The following MKLN1 variants were observed in gnomAD, a reference collection of about 807,000 sequenced individuals.
MKLN1 encodes the protein muskelin 1.
A neutral mutation model predicts 99.0 loss-of-function variants in MKLN1; 18 were observed. The ratio of observed to expected loss-of-function variants is 0.18; its 90% CI spans 0.13 to 0.27. MKLN1 has a LOEUF of 0.27. Ranked by LOEUF, MKLN1 falls within the 10% of genes least tolerant of loss-of-function variation. MKLN1 has a pLI of 1.00. For missense variants in MKLN1, 621 were observed against 875.9 expected, an observed-to-expected ratio of 0.71 and a Z score of 3.67; for synonymous variants, 288 against 293.2, an observed-to-expected ratio of 0.98 and a Z score of 0.18.
intron 2 of MKLN1, among the ~76,000 whole-genome samples, chr7:131,185,232 G>T (rs549064413): frequency 4.4e-4 from 67 of 152,194 alleles, no homozygotes; most frequent in African/African-American, 1.3e-3. Context: ...CCTTAAGCAC[G>T]TGACTGGTAC....
intron 3 of MKLN1, among the ~76,000 whole-genome samples, chr7:131,232,757 C>T (rs1334762715): frequency 2.0e-5 from 3 of 152,052 alleles, no homozygotes. Context: ...TTGGTGTGCA[C>T]ACAGTGAAAG....
At chr7:131,337,537 A>T (rs564837109) in intron 1 of MKLN1, among the ~76,000 whole-genome samples, 17 of 151,846 alleles carry the variant, frequency 1.1e-4, no homozygotes, top group Non-Finnish European at 2.2e-4. Flanking sequence ...TTAGTTTTAG[A>T]ATTATTTCAT....
intron 1 of MKLN1, among the ~76,000 whole-genome samples, chr7:131,372,635 A>G (rs1793499049): frequency 6.6e-6 from 1 of 151,844 alleles, no homozygotes; most frequent in South Asian, 2.1e-4. Flanking sequence ...CAGACATGTT[A>G]TAATTTAATC....
At chr7:131,430,984 G>T (rs1795506122) in intron 9 of MKLN1, among the ~76,000 whole-genome samples, 1 of 152,158 alleles carries the variant, frequency 6.6e-6, no homozygotes, top group Non-Finnish European at 1.5e-5. Context: ...CACTTCGGGA[G>T]AGCGAGGCCA....
intron 1 of MKLN1, among the ~76,000 whole-genome samples, chr7:131,351,554 T>C (rs1799720772): frequency 1.3e-5 from 2 of 152,186 alleles, no homozygotes; most frequent in South Asian, 2.1e-4. Flanking sequence ...TTGAACCTCC[T>C]GGGCTCAAGT....
chr7:131,391,113 C>T (rs1365331402), intron 4 of MKLN1, among the ~76,000 whole-genome samples: 2 of 151,578 alleles, frequency 1.3e-5, no homozygotes, highest in Admixed American at 6.6e-5. Context: ...ACTAAAAGGC[C>T]GTATGTTAGG....
At chr7:131,403,751 C>T (rs1330900141) in intron 6 of MKLN1, among the ~76,000 whole-genome samples, 1 of 152,110 alleles carries the variant, frequency 6.6e-6, no homozygotes, top group African/African-American at 2.4e-5. Context: ...AGTCAGAACA[C>T]ACACAACATG....
At chr7:131,257,989 A>G (rs1366921996) in intron 3 of MKLN1, among the ~76,000 whole-genome samples, 2 of 151,694 alleles carry the variant, frequency 1.3e-5, no homozygotes, top group African/African-American at 4.8e-5. Flanking sequence ...GGCGTGGTGG[A>G]GTGTTCCTGT....
chr7:131,318,810 T>G (rs1428155569), intron 3 of MKLN1, among the ~76,000 whole-genome samples: 1 of 152,112 alleles, frequency 6.6e-6, no homozygotes, highest in Non-Finnish European at 1.5e-5. Flanking sequence ...GAGAATACTA[T>G]AAACACCTCT....
intron 12 of MKLN1, among the ~76,000 whole-genome samples, chr7:131,458,501 T>G (rs1474172326): frequency 6.6e-6 from 1 of 152,190 alleles, no homozygotes; most frequent in Non-Finnish European, 1.5e-5. Flanking sequence ...ATTCAGGTAT[T>G]GTGATTAGAA....
chr7:131,477,334 A>T (rs1356557340), intron 16 of MKLN1, among the ~76,000 whole-genome samples: 2 of 151,546 alleles, frequency 1.3e-5, no homozygotes, highest in Non-Finnish European at 2.9e-5. Flanking sequence ...ATTGCTTGAT[A>T]CCAGGAGTTT....
intron 2 of MKLN1, among the ~76,000 whole-genome samples, chr7:131,153,225 C>A (rs1795915325): frequency 6.6e-6 from 1 of 151,930 alleles, no homozygotes; most frequent in South Asian, 2.1e-4. Flanking sequence ...TTTGCTTTGT[C>A]TTATTTTTAA....
intron 1 of MKLN1, 113 bp downstream of exon 1, chr7:131,328,110 G>A: frequency 7.8e-7 from 1 of 1,280,606 alleles, no homozygotes; most frequent in Non-Finnish European, 1.1e-6. Flanking sequence ...GCCTGCTGAG[G>A]GGGACGTGCG....
At chr7:131,407,225 G>A (rs560768567) in intron 6 of MKLN1, among the ~76,000 whole-genome samples, 66 of 151,124 alleles carry the variant, frequency 4.4e-4, no homozygotes, top group African/African-American at 1.5e-3. Context: ...TGTTTCCTTT[G>A]GTTGTCTTGC....
At position 131,356,279 on chromosome 7, in the gene MKLN1, G is replaced by A. The variant is rs1278079701; in HGVS notation, c.99-19145G>A. On this transcript the variant is annotated intron_variant, in intron 1 of 17. Coordinates refer to ENST00000352689, the MANE Select transcript of MKLN1 (RefSeq NM_013255.5). ...AGTTTCAGGTGTTTTATATCTATTA[G>A]CCTGCCTTTCCCTAGCTCCGGCTGC... Among the ~76,000 whole-genome samples, 3 of 152,066 alleles carry A rather than the reference G, an allele frequency of 2.0e-5. No individual in the cohort carries two copies. The East Asian group carries it at 5.8e-4, about 29-fold the overall frequency.
chr7:131,311,856 C>CA (rs1798570372), intron 3 of MKLN1, among the ~76,000 whole-genome samples: 1 of 151,218 alleles, frequency 6.6e-6, no homozygotes, highest in African/African-American at 2.4e-5. Flanking sequence ...AAAAGGTGAA[C>CA]TTTTTTTTAC....
rs368542221 is a variant in MKLN1 at position 131,111,777 on chromosome 7, A to C, written c.-419+1570A>C. Reference sequence around the variant, plus strand: ...ACTTCTAAAATGAAACGCATAAATAAATAAATAAATAAATAAATAAATACA... The same window carrying C: ...ACTTCTAAAATGAAACGCATAAATACATAAATAAATAAATAAATAAATACA... On this transcript the variant is annotated intron_variant, in intron 1 of 7. Coordinates refer to the MKLN1 transcript ENST00000416992. 5.7e-4 allele frequency among the ~76,000 whole-genome samples: 9 copies of C among 15,776 alleles called. No individual in the cohort carries two copies. The East Asian group carries it at 8.0e-3, about 14-fold the overall frequency. 10.3% of individuals were successfully genotyped at this position (15,776 alleles called of 152,430 possible).
intron 2 of MKLN1, among the ~76,000 whole-genome samples, chr7:131,198,514 T>C (rs535343026): frequency 1.7e-4 from 26 of 151,698 alleles, no homozygotes; most frequent in African/African-American, 6.1e-4. Context: ...AGAACAAAAA[T>C]AGACAAAGGA....
intron 3 of MKLN1, among the ~76,000 whole-genome samples, chr7:131,232,271 C>G (rs557187001): frequency 2.6e-5 from 4 of 152,028 alleles, no homozygotes; most frequent in African/African-American, 9.7e-5. Context: ...GATGTCAGAA[C>G]AAAAAATTAT....
Sources: gnomAD v4.1 joint callset for allele counts (sites outside exome capture counted in the v4.1 genomes callset) on GRCh38, gnomAD v4.1.1 for gene constraint, MANE v1.5 for transcripts, NCBI Gene and HGNC (gene_info 2026-07-23, HGNC 2026-07-21) for gene names.